Variants in CSMD1 observed in about 807,000 individuals in gnomAD.
CSMD1 encodes CUB and Sushi multiple domains 1.
Under a neutral mutation model 417.5 loss-of-function variants are expected in CSMD1, and 213 were observed. That is an observed-to-expected ratio of 0.51 (90% CI 0.46 to 0.57). CSMD1 has a LOEUF of 0.57. CSMD1 is among the 20% of genes least tolerant of loss of function. CSMD1 has a pLI of 0.00. For synonymous variants in CSMD1, 2,862 were observed against 1,736.8 expected (o/e 1.65, Z -16.11); for missense variants, 6,923 against 4,529.7 (o/e 1.53, Z -15.17).
rs1348003353 is a variant in CSMD1, at chr8:4,350,980, A to AT, written c.415+68972dup. Among the ~76,000 whole-genome samples, 4 of 152,176 alleles carry AT rather than the reference A, an allele frequency of 2.6e-5. No individual in the cohort carries two copies. The East Asian group carries it at 7.7e-4, about 29-fold the overall frequency. On this transcript the variant is annotated intron_variant, in intron 3 of 69. Transcript: ENST00000635120. ...TCATCGTTTAAAGCTTCTTTTAATA[A>AT]TTTTGCCTCTCTGCTTAATCGAAAT... is the stretch of plus-strand genomic sequence containing the variant.
chr8:3,080,577 G>T (rs370241519), intron 49 of CSMD1, among the ~76,000 whole-genome samples: 1 of 152,294 alleles, frequency 6.6e-6, no homozygotes, highest in South Asian at 2.1e-4. Context: ...AGCCATCAAG[G>T]GGTCTTGGGA....
intron 5 of CSMD1, among the ~76,000 whole-genome samples, chr8:3,792,873 T>C (rs17067585): frequency 0.012 from 1,758 of 152,330 alleles, 33 homozygotes; most frequent in African/African-American, 0.04. Context: ...TCACCCTACA[T>C]ACTTGCCTTG....
chr8:3,748,143 T>G (rs1797149139), intron 6 of CSMD1, among the ~76,000 whole-genome samples: 1 of 152,208 alleles, frequency 6.6e-6, no homozygotes, highest in Admixed American at 6.5e-5. Flanking sequence ...TTAAAACTTG[T>G]GCCATTGAGA....
intron 10 of CSMD1, among the ~76,000 whole-genome samples, chr8:3,546,334 G>A (rs551901374): frequency 1.3e-4 from 20 of 152,122 alleles, no homozygotes; most frequent in Non-Finnish European, 1.0e-4. Flanking sequence ...AGGAGATCGA[G>A]ACCATCTTGG....
intron 27 of CSMD1, among the ~76,000 whole-genome samples, chr8:3,224,907 A>T (rs1477191515): frequency 6.6e-6 from 1 of 152,222 alleles, no homozygotes; most frequent in Admixed American, 6.5e-5. Flanking sequence ...GACTATGCTG[A>T]GTTTAAAAGT....
At chr8:3,138,706 G>A (rs1431458905) in intron 41 of CSMD1, among the ~76,000 whole-genome samples, 1 of 152,230 alleles carries the variant, frequency 6.6e-6, no homozygotes, top group Non-Finnish European at 1.5e-5. Flanking sequence ...GAGCTCTGAG[G>A]TAGAAAGGAC....
intron 23 of CSMD1, among the ~76,000 whole-genome samples, chr8:3,332,737 A>G (rs78701631): frequency 0.01 from 1,578 of 152,304 alleles, 47 homozygotes; most frequent in East Asian, 0.083. Context: ...GATGGAAGGA[A>G]AACATTCCTA....
At chr8:3,279,847 A>G (rs1802595904) in intron 26 of CSMD1, among the ~76,000 whole-genome samples, 1 of 152,160 alleles carries the variant, frequency 6.6e-6, no homozygotes, top group South Asian at 2.1e-4. Context: ...TCATGAGAAC[A>G]GCATGGGGGA....
At chr8:3,362,384 A>C (rs1245327436) in intron 20 of CSMD1, among the ~76,000 whole-genome samples, 1 of 152,078 alleles carries the variant, frequency 6.6e-6, no homozygotes, top group African/African-American at 2.4e-5. Flanking sequence ...GGATGCAAAA[A>C]CCAATGGTCA....
At chr8:4,991,717 C>G (rs1175094949) in intron 1 of CSMD1, among the ~76,000 whole-genome samples, 1 of 152,180 alleles carries the variant, frequency 6.6e-6, no homozygotes, top group African/African-American at 2.4e-5. Context: ...ACCTTGGTCA[C>G]CCGGGCTTTG....
chr8:3,956,427 G>C (rs536532379), intron 5 of CSMD1, among the ~76,000 whole-genome samples: 14 of 152,264 alleles, frequency 9.2e-5, no homozygotes, highest in South Asian at 2.1e-4. Context: ...TGTATGTTTA[G>C]CCACTATGCT....
chr8:4,739,571 T>C (rs1446980968), intron 1 of CSMD1, among the ~76,000 whole-genome samples: 1 of 152,212 alleles, frequency 6.6e-6, no homozygotes, highest in Non-Finnish European at 1.5e-5. Flanking sequence ...ATCTTTTGAC[T>C]CTAAATGAGA....
intron 63 of CSMD1, 77 bp from the exon 64 acceptor site, chr8:2,955,845 A>T (rs1380422327): frequency 3.7e-6 from 5 of 1,347,510 alleles, no homozygotes; most frequent in Non-Finnish European, 5.2e-6. Flanking sequence ...TTAATAGATT[A>T]AAATAGTTTG....
chr8:4,803,577 C>T (rs1208749259), intron 1 of CSMD1, among the ~76,000 whole-genome samples: 2 of 152,064 alleles, frequency 1.3e-5, no homozygotes, highest in Non-Finnish European at 2.9e-5. Flanking sequence ...AAATCGAAAG[C>T]CAGGATTCTA....
chr8:4,816,766 G>A (rs1159397557), intron 1 of CSMD1, among the ~76,000 whole-genome samples: 3 of 152,162 alleles, frequency 2.0e-5, no homozygotes. Flanking sequence ...ATCTAGGACT[G>A]AGGATGGGGA....
At chr8:4,628,953 A>G (rs762730730) in intron 2 of CSMD1, among the ~76,000 whole-genome samples, 2 of 152,212 alleles carry the variant, frequency 1.3e-5, no homozygotes, top group Non-Finnish European at 2.9e-5. Flanking sequence ...GTTTATTCTT[A>G]AATGAAACAT....
At chr8:4,393,606 T>G (rs1563126976) in intron 3 of CSMD1, among the ~76,000 whole-genome samples, 1 of 152,118 alleles carries the variant, frequency 6.6e-6, no homozygotes, top group Non-Finnish European at 1.5e-5. Context: ...ATGAGTTTGG[T>G]AAAGTGTCAT....
chr8:3,891,688 G>GAAA (rs11389470), intron 5 of CSMD1, among the ~76,000 whole-genome samples: 4 of 150,014 alleles, frequency 2.7e-5, no homozygotes, highest in Non-Finnish European at 4.4e-5. Context: ...GTCTCAAAAC[G>GAAA]AAAAAAAAAG....
chr8:3,701,803 A>G (rs371899006), intron 7 of CSMD1, among the ~76,000 whole-genome samples: 13 of 152,324 alleles, frequency 8.5e-5, no homozygotes, highest in Non-Finnish European at 1.6e-4. Context: ...AAACAGAGAT[A>G]CAAGTTTTAA....
Sources: allele counts gnomAD v4.1 joint callset (sites outside exome capture counted in the v4.1 genomes callset), GRCh38; gene constraint gnomAD v4.1.1; transcripts MANE v1.5; gene names NCBI Gene and HGNC (gene_info 2026-07-23, HGNC 2026-07-21).